DPP10: variants seen among roughly 807,000 people sequenced by gnomAD.
The protein encoded by DPP10 is dipeptidyl peptidase like 10.
Under a neutral mutation model 120.9 loss-of-function variants are expected in DPP10, and 33 were observed. That is an observed-to-expected ratio of 0.27 (90% confidence interval 0.21 to 0.37). The LOEUF is 0.37. Ranked by LOEUF, DPP10 falls within the 10% of genes least tolerant of loss-of-function variation. The pLI, the probability that DPP10 is intolerant of heterozygous loss-of-function variation, is 1.00. For missense variants in DPP10, 816 were observed against 942.8 expected (o/e 0.87, Z 1.76); for synonymous variants, 337 against 326.1 (o/e 1.03, Z -0.36).
intron 1 of DPP10, among the ~76,000 whole-genome samples, chr2:115,098,125 T>C (rs1371693620): frequency 3.3e-5 from 5 of 152,116 alleles, no homozygotes; most frequent in Non-Finnish European, 7.4e-5. Context: ...CAGTCAGCCA[T>C]TGGATGAGGG....
In DPP10 at chr2:114,863,732, T is replaced by A. The variant is rs189001065; in HGVS notation, c.60+420894T>A. Among the ~76,000 whole-genome samples, 223 of 152,352 alleles carry A rather than the reference T, an allele frequency of 1.5e-3. 1 individual carries two copies. The highest frequency in any genetic ancestry group is 5.1e-3 in the African/African-American group (212 of 41,576). On this transcript the variant is annotated intron_variant, in intron 1 of 25. Transcript: ENST00000410059. ...GGAAGGCTGTGACCATGGTTAAGGA[T>A]AGCACATCTGCATTTCCATCTATTT...
intron 5 of DPP10, among the ~76,000 whole-genome samples, chr2:115,547,384 G>C (rs564222686): frequency 6.6e-6 from 1 of 152,156 alleles, no homozygotes; most frequent in Non-Finnish European, 1.5e-5. Flanking sequence ...TCCGTGATAC[G>C]ATGGCAGCTT....
Position 115,525,296 on chromosome 2 carries a change from C to T in DPP10, c.367-602C>T, listed in dbSNP as rs535112475. Among the ~76,000 whole-genome samples, 8 of 152,048 alleles carry T rather than the reference C, an allele frequency of 5.3e-5. No homozygotes were observed. In the East Asian group the frequency reaches 1.5e-3, roughly 29 times the overall value. On this transcript the variant is annotated intron_variant, in intron 4 of 25. Transcript: ENST00000410059. Reference sequence around the variant, plus strand: ...TTGTTTCATTGTGTAGTTTAAATTCCTTCTGTCCTCAAATTTGTTCAATTA... The same window carrying T: ...TTGTTTCATTGTGTAGTTTAAATTCTTTCTGTCCTCAAATTTGTTCAATTA...
intron 1 of DPP10, among the ~76,000 whole-genome samples, chr2:115,054,473 G>GA (rs1397668298): frequency 1.3e-5 from 2 of 152,006 alleles, no homozygotes; most frequent in Non-Finnish European, 2.9e-5. Context: ...AATATTATTA[G>GA]AAAAAAAGTG....
intron 1 of DPP10, among the ~76,000 whole-genome samples, chr2:114,775,327 A>T (rs1681631399): frequency 6.6e-6 from 1 of 152,138 alleles, no homozygotes; most frequent in Admixed American, 6.6e-5. Flanking sequence ...ACTCAAGTTG[A>T]TATCTTCCAA....
At chr2:114,659,381 C>T (rs1697219796) in intron 1 of DPP10, among the ~76,000 whole-genome samples, 1 of 151,918 alleles carries the variant, frequency 6.6e-6, no homozygotes, top group Non-Finnish European at 1.5e-5. Flanking sequence ...GATAAAAGGA[C>T]CACCTCACTG....
At chr2:114,489,352 G>A (rs1681784062) in intron 1 of DPP10, among the ~76,000 whole-genome samples, 1 of 152,338 alleles carries the variant, frequency 6.6e-6, no homozygotes, top group South Asian at 2.1e-4. Flanking sequence ...CCTGGCCCAT[G>A]AAACAAAGGG....
At chr2:115,420,614 G>C (rs538850459) in intron 3 of DPP10, among the ~76,000 whole-genome samples, 1 of 152,308 alleles carries the variant, frequency 6.6e-6, no homozygotes, top group Non-Finnish European at 1.5e-5. Context: ...TGTTAATCAA[G>C]AATGAGGTAA....
chr2:114,703,083 T>C (rs1431687881), intron 1 of DPP10, among the ~76,000 whole-genome samples: 1 of 152,118 alleles, frequency 6.6e-6, no homozygotes, highest in Admixed American at 6.6e-5. Context: ...AAGAAAGTCA[T>C]TGCATTGCCG....
At chr2:115,512,365 G>A (rs144910193) in intron 4 of DPP10, among the ~76,000 whole-genome samples, 1 of 152,114 alleles carries the variant, frequency 6.6e-6, no homozygotes, top group Non-Finnish European at 1.5e-5. Context: ...CTCCCAAAGG[G>A]AGGATTACAG....
At position 115,343,908 on chromosome 2, in the gene DPP10, C is replaced by T. The variant is rs1265373860; in HGVS notation, c.267C>T (p.Ile89=). Residue 89 remains isoleucine (I), a synonymous_variant, in exon 3 of 26, where the codon ATC becomes ATT. Transcript: ENST00000410059. Reference sequence around the variant, plus strand: ...TTCACGATCCAGAGGCTCGGTGGATCAATGGTAAGTGTATACCTTTTTAAA... The same window carrying T: ...TTCACGATCCAGAGGCTCGGTGGATTAATGGTAAGTGTATACCTTTTTAAA... ...FVLHDPEARW[I]NDTDVVYKSE... 1 of 1,608,468 alleles carries T rather than the reference C, an allele frequency of 6.2e-7. No homozygotes were observed. The highest frequency in any genetic ancestry group is 1.7e-5 in the Admixed American group (1 of 59,464).
intron 1 of DPP10, among the ~76,000 whole-genome samples, chr2:115,039,463 G>A (rs1000641499): frequency 3.9e-5 from 6 of 152,104 alleles, no homozygotes; most frequent in Non-Finnish European, 5.9e-5. Context: ...GTTTCTGAGA[G>A]AGTTTGTAGG....
At chr2:114,908,490 C>A (rs1470962019) in intron 1 of DPP10, among the ~76,000 whole-genome samples, 1 of 151,702 alleles carries the variant, frequency 6.6e-6, no homozygotes, top group Non-Finnish European at 1.5e-5. Context: ...ATAATATATA[C>A]CTTACCTTAT....
intron 1 of DPP10, among the ~76,000 whole-genome samples, chr2:114,955,770 G>T (rs973081415): frequency 1.3e-5 from 2 of 152,148 alleles, no homozygotes; most frequent in African/African-American, 4.8e-5. Context: ...TTTATGCTTG[G>T]GACGGAAAGA....
chr2:115,261,457 C>G (rs969247280), intron 1 of DPP10, among the ~76,000 whole-genome samples: 18 of 152,170 alleles, frequency 1.2e-4, no homozygotes, highest in African/African-American at 4.1e-4. Flanking sequence ...GTGAGGAATT[C>G]CCATTTGGCC....
chr2:115,427,759 A>G (rs843399), intron 3 of DPP10, among the ~76,000 whole-genome samples: 95,351 of 152,086 alleles, frequency 0.63, 30,693 homozygotes, highest in Middle Eastern at 0.75. Context: ...TCTTTAGTAA[A>G]TGATTGCTGC....
At chr2:115,244,579 A>T (rs1031292163) in intron 1 of DPP10, among the ~76,000 whole-genome samples, 1 of 151,888 alleles carries the variant, frequency 6.6e-6, no homozygotes, top group African/African-American at 2.4e-5. Flanking sequence ...AATTATAGTG[A>T]GAGAGAGAAT....
intron 5 of DPP10, among the ~76,000 whole-genome samples, chr2:115,599,469 C>T (rs2083188652): frequency 6.6e-6 from 1 of 152,092 alleles, no homozygotes; most frequent in South Asian, 2.1e-4. Flanking sequence ...TAAGCTTACT[C>T]AGTGATTTTA....
chr2:115,263,218 A>T (rs889706303), intron 1 of DPP10, among the ~76,000 whole-genome samples: 1 of 152,178 alleles, frequency 6.6e-6, no homozygotes, highest in Non-Finnish European at 1.5e-5. Context: ...TTAAATTTGA[A>T]TCAGCTGACA....
Sources: gnomAD v4.1 joint callset for allele counts (sites outside exome capture counted in the v4.1 genomes callset) on GRCh38, gnomAD v4.1.1 for gene constraint, MANE v1.5 for transcripts, NCBI Gene and HGNC (gene_info 2026-07-23, HGNC 2026-07-21) for gene names.